Variants in BRI3BP observed in about 807,000 individuals in gnomAD.
The protein encoded by BRI3BP is BRI3-binding protein.
In BRI3BP, 7 loss-of-function variants were observed where a neutral mutation model predicts 15.8. The observed-to-expected ratio is 0.44, with a 90% CI of 0.25 to 0.83. BRI3BP has a LOEUF of 0.83. BRI3BP is among the 40% of genes least tolerant of loss of function. BRI3BP has a pLI of 0.20. For synonymous variants in BRI3BP, 192 were observed against 163.5 expected, an observed-to-expected ratio of 1.17 and a Z score of -1.33; for missense variants, 320 against 339.3, an observed-to-expected ratio of 0.94 and a Z score of 0.45.
At position 125,020,329 on chromosome 12, in the gene BRI3BP, C is replaced by G. The variant is rs370822491; in HGVS notation, c.317-4662C>G. Among the ~76,000 whole-genome samples, 36 of 152,250 alleles carry G rather than the reference C, an allele frequency of 2.4e-4. No homozygotes were observed. The South Asian group carries it at 6.8e-3, about 29-fold the overall frequency. ...GCAGATGCAGGCTGTGGGGAGAGCC[C>G]TTTCTTGTAGACGATGCCTCACTGT... is the stretch of plus-strand genomic sequence containing the variant. On this transcript the variant is annotated intron_variant, in intron 2 of 2. Transcript: ENST00000341446.
intron 2 of BRI3BP, 33 bp downstream of exon 2, chr12:125,012,669 C>A: frequency 6.6e-7 from 1 of 1,510,870 alleles, no homozygotes; most frequent in South Asian, 1.1e-5. Context: ...CGTAAGGTGT[C>A]ATTCTATTTT....
At position 125,019,660 on chromosome 12, in the gene BRI3BP, C is replaced by CTTTTTTTTTTTTTTTTTTTT. The variant is rs1955278838; in HGVS notation, c.317-5325_317-5324insTTTTTTTTTTTTTTTTTTTT. Among the ~76,000 whole-genome samples, 154 of 24,690 alleles carry CTTTTTTTTTTTTTTTTTTTT rather than the reference C, an allele frequency of 6.2e-3. 15 individuals are homozygous for CTTTTTTTTTTTTTTTTTTTT. The highest frequency in any genetic ancestry group is 8.6e-3 in the South Asian group (5 of 582). The allele number at this position is 24,690 out of a possible 152,430, so 16.2% of individuals were successfully genotyped here. A position where few individuals can be genotyped will look rare whatever the true frequency, so the allele number is the denominator to read the frequency against. On this transcript the variant is annotated intron_variant, in intron 2 of 2. Transcript: ENST00000341446. ...CTTTTTTTTTTTTTTTTTTTTTTGCCTTTTTTGCTGTGAGTACTTGAAAAT... is the reference window on the plus strand; with the variant it reads ...CTTTTTTTTTTTTTTTTTTTTTTGCCTTTTTTTTTTTTTTTTTTTTTTTTTTGCTGTGAGTACTTGAAAAT...
At chr12:125,038,166 C>T in the BRI3BP span, among the ~76,000 whole-genome samples, 9 of 151,282 alleles carry the variant, frequency 5.9e-5, no homozygotes, top group East Asian at 9.8e-4. Flanking sequence ...GTTCCTAGCT[C>T]CTTGGGAGGC....
chr12:125,007,200 GC>G (rs35956578), intron 1 of BRI3BP, among the ~76,000 whole-genome samples: 4 of 150,894 alleles, frequency 2.7e-5, no homozygotes, highest in Admixed American at 2.0e-4. Flanking sequence ...CTCTGTCTCC[GC>G]CCCCCCCAAA....
the BRI3BP span, among the ~76,000 whole-genome samples, chr12:125,042,189 G>A: frequency 5.3e-5 from 8 of 152,154 alleles, no homozygotes; most frequent in Admixed American, 5.2e-4. Context: ...TACGTGTGCA[G>A]GTTTGTAATG....
At chr12:125,049,414 G>C in the BRI3BP span, among the ~76,000 whole-genome samples, 1 of 151,990 alleles carries the variant, frequency 6.6e-6, no homozygotes, top group Admixed American at 6.6e-5. Flanking sequence ...CTGCGTATTT[G>C]AATACGCATA....
rs1288713685 is a variant in BRI3BP at position 125,030,859 on chromosome 12, T to C, written c.*5429T>C. On this transcript the variant is annotated 3_prime_UTR_variant, in exon 3 of 3. Transcript: ENST00000341446. ...GTATCCATTATCAACAGTGGATTCA[T>C]GATTGACTTCATATTTTGTGTATCT... is the stretch of plus-strand genomic sequence containing the variant. The C allele has an allele frequency of 6.6e-6, 1 of 152,230 alleles. No individual in the cohort carries two copies. Among genetic ancestry groups the C allele is most frequent in the Non-Finnish European group, 1.5e-5 (1 of 68,040 alleles). The allele number at this position is 152,230 out of a possible 1,614,324, so 9.4% of individuals were successfully genotyped here.
At chr12:125,034,307 A>C (rs1484542428), downstream of BRI3BP, among the ~76,000 whole-genome samples, 1 of 152,136 alleles carries the variant, frequency 6.6e-6, no homozygotes, top group East Asian at 1.9e-4. Context: ...CGGCCTCCCA[A>C]AGTGTTGGGA....
chr12:125,000,581 G>C (rs137957260), intron 1 of BRI3BP, among the ~76,000 whole-genome samples: 1 of 152,006 alleles, frequency 6.6e-6, no homozygotes, highest in Non-Finnish European at 1.5e-5. Context: ...CAAAGTGCTG[G>C]GATTACAGGC....
chr12:125,002,486 C>T (rs1296339436), intron 1 of BRI3BP, among the ~76,000 whole-genome samples: 2 of 142,714 alleles, frequency 1.4e-5, no homozygotes, highest in African/African-American at 2.6e-5. Flanking sequence ...GAGACAGAGT[C>T]TCGCTCTGTT....
chr12:125,049,594 G>A, the BRI3BP span, among the ~76,000 whole-genome samples: 69 of 152,236 alleles, frequency 4.5e-4, no homozygotes, highest in African/African-American at 1.6e-3. Flanking sequence ...AGGTGACAGC[G>A]CCCGGCACTG....
chr12:125,014,967 A>G (rs150205130), intron 2 of BRI3BP, among the ~76,000 whole-genome samples: 5 of 152,084 alleles, frequency 3.3e-5, no homozygotes, highest in African/African-American at 9.6e-5. Context: ...GGGTCTTACC[A>G]TGTTGCCCAG....
At chr12:125,046,188 T>C in the BRI3BP span, among the ~76,000 whole-genome samples, 1 of 150,814 alleles carries the variant, frequency 6.6e-6, no homozygotes, top group Non-Finnish European at 1.5e-5. Context: ...ACAAAAAAAC[T>C]GATTTTAGAC....
intron 1 of BRI3BP, among the ~76,000 whole-genome samples, chr12:125,010,093 C>T (rs1288739420): frequency 7.2e-6 from 1 of 139,206 alleles, no homozygotes; most frequent in Non-Finnish European, 1.6e-5. Flanking sequence ...CAGAGTGAGA[C>T]CCTGTCTCAA....
rs1334629417 is a variant in BRI3BP, at chr12:125,025,021, C to A, written c.347C>A (p.Ala116Asp). The change falls in exon 3 of 3, where the codon GCC becomes GAC. Residue 116 changes from alanine (A) to aspartate (D), a missense_variant. Coordinates refer to ENST00000341446, the MANE Select transcript of BRI3BP (RefSeq NM_080626.6). ...VSNLSQYFSP[A>D]SVSSSPARAL... The stretch of plus-strand genomic sequence containing the variant: ...AACCTGTCCCAGTATTTCAGCCCAG[C>A]CTCGGTGTCCAGCAGCCCGGCCCGC... The A allele has an allele frequency of 6.2e-7, 1 of 1,613,246 alleles. No homozygotes were observed. The highest frequency in any genetic ancestry group is 1.3e-5 in the African/African-American group (1 of 75,048).
chr12:125,004,721 T>C (rs1955127627), intron 1 of BRI3BP, among the ~76,000 whole-genome samples: 1 of 152,174 alleles, frequency 6.6e-6, no homozygotes, highest in Admixed American at 6.6e-5. Context: ...CACCCTTTTC[T>C]GTCCCAGGAT....
Position 125,025,423 on chromosome 12 carries a change from A to G in BRI3BP, c.749A>G (p.Asp250Gly), listed in dbSNP as rs1169696466. The change falls in exon 3 of 3, where the codon GAC becomes GGC. Residue 250 changes from aspartate (D) to glycine (G), a missense_variant. Transcript: ENST00000341446. ...CTCGAGAGCCTGGACCGCTCCAAGGACAAGTGAAGGTCAGCCGGCCGGGCG... is the reference window on the plus strand; with the variant it reads ...CTCGAGAGCCTGGACCGCTCCAAGGGCAAGTGAAGGTCAGCCGGCCGGGCG... ...RVLESLDRSK[D>G]K 2 of 1,589,278 alleles carry G rather than the reference A, an allele frequency of 1.3e-6. No homozygotes were observed. The highest frequency in any genetic ancestry group is 8.6e-7 in the Non-Finnish European group (1 of 1,163,376).
Position 125,025,164 on chromosome 12 carries a change from G to A in BRI3BP, c.490G>A (p.Val164Ile), listed in dbSNP as rs145269757. The A allele has an allele frequency of 3.7e-6, 6 of 1,613,982 alleles. No homozygotes were observed. The highest frequency in any genetic ancestry group is 2.7e-5 in the African/African-American group (2 of 74,924). Residue 164 changes from valine to isoleucine, a missense_variant, in exon 3 of 3, where the codon GTC becomes ATC. Physicochemically the swap from Val to Ile is conservative, Grantham distance 29. Transcript: ENST00000341446. ...FGRFFWIVRV[V>I]LFSMSCVYIL... is the part of the protein sequence containing the mutation. Reference sequence around the variant, plus strand: ...CCGCTTCTTCTGGATCGTGCGGGTCGTCCTGTTTTCCATGTCCTGCGTGTA... The same window carrying A: ...CCGCTTCTTCTGGATCGTGCGGGTCATCCTGTTTTCCATGTCCTGCGTGTA...
intron 1 of BRI3BP, among the ~76,000 whole-genome samples, chr12:124,996,361 G>A (rs1199861479): frequency 6.6e-6 from 1 of 151,780 alleles, no homozygotes; most frequent in East Asian, 1.9e-4. Context: ...GCTGGAGTGC[G>A]TTGGCACGAT....
Sources: allele counts gnomAD v4.1 joint callset (sites outside exome capture counted in the v4.1 genomes callset), GRCh38; gene constraint gnomAD v4.1.1; transcripts MANE v1.5; gene names NCBI Gene and HGNC (gene_info 2026-07-23, HGNC 2026-07-21).